DDAH1: variants seen among roughly 807,000 people sequenced by gnomAD.
DDAH1 encodes the protein N(G),N(G)-dimethylarginine dimethylaminohydrolase 1.
In DDAH1, 19 loss-of-function variants were observed where a neutral mutation model predicts 28.8. The ratio of observed to expected loss-of-function variants is 0.66; its 90% confidence interval spans 0.46 to 0.97. The LOEUF is 0.97. Among genes scored for constraint, DDAH1 ranks in the 50% least tolerant of loss-of-function variants. The pLI is 0.00. For synonymous variants in DDAH1, 153 were observed against 154.4 expected, an observed-to-expected ratio of 0.99 and a Z score of 0.07; for missense variants, 326 against 375.9, an observed-to-expected ratio of 0.87 and a Z score of 1.10.
At chr1:85,571,964 T>C (rs1258860145) in intron 1 of DDAH1, among the ~76,000 whole-genome samples, 1 of 152,164 alleles carries the variant, frequency 6.6e-6, no homozygotes, top group Non-Finnish European at 1.5e-5. Context: ...GTAAGGCACA[T>C]GCAGGGTGCG....
intron 1 of DDAH1, among the ~76,000 whole-genome samples, chr1:85,549,086 T>A (rs1372851494): frequency 1.3e-5 from 2 of 152,200 alleles, no homozygotes; most frequent in Non-Finnish European, 2.9e-5. Context: ...TGGCAAGCTA[T>A]GAAAAGTGAA....
At chr1:85,345,299 C>T (rs1648775337) in intron 4 of DDAH1, among the ~76,000 whole-genome samples, 1 of 150,112 alleles carries the variant, frequency 6.7e-6, no homozygotes, top group Non-Finnish European at 1.5e-5. Flanking sequence ...ACAAACAGGT[C>T]TAATGCCTGT....
rs138800225 is a variant in DDAH1 at position 85,439,384 on chromosome 1, T to C, written c.303+25359A>G. Among the ~76,000 whole-genome samples, 381 of 152,332 alleles carry C rather than the reference T, an allele frequency of 2.5e-3. 1 individual carries two copies. The highest frequency in any genetic ancestry group is 2.6e-3 in the Non-Finnish European group (179 of 68,030). Reference sequence around the variant, plus strand: ...AAACTGAGTAACATGCGAGTAAATGTCATAGGACTGCAGCTTCCCAAGTGT... The same window carrying C: ...AAACTGAGTAACATGCGAGTAAATGCCATAGGACTGCAGCTTCCCAAGTGT... On this transcript the variant is annotated intron_variant, in intron 1 of 5. Transcript: ENST00000284031.
At chr1:85,344,572 CAT>C (rs1313518384) in intron 4 of DDAH1, among the ~76,000 whole-genome samples, 3 of 107,818 alleles carry the variant, frequency 2.8e-5, no homozygotes, top group Non-Finnish European at 6.7e-5. Flanking sequence ...TCCCTCCCTT[CAT>C]CCTTCCCTCC....
intron 1 of DDAH1, among the ~76,000 whole-genome samples, chr1:85,422,591 T>G (rs186850779): frequency 1.9e-3 from 282 of 152,352 alleles, no homozygotes; most frequent in Middle Eastern, 3.4e-3. Flanking sequence ...ATAAGGTCTG[T>G]GCCTAGATTC....
intron 1 of DDAH1, among the ~76,000 whole-genome samples, chr1:85,564,279 G>T (rs184029143): frequency 3.0e-4 from 46 of 152,198 alleles, no homozygotes; most frequent in Admixed American, 2.9e-3. Flanking sequence ...AAAGATTAAT[G>T]AACTTGAGAT....
At chr1:85,514,005 A>G (rs1657351301) in intron 1 of DDAH1, among the ~76,000 whole-genome samples, 1 of 152,236 alleles carries the variant, frequency 6.6e-6, no homozygotes, top group South Asian at 2.1e-4. Context: ...ATTGCTGGGT[A>G]TATACCCAAA....
At chr1:85,348,418 G>A (rs1348923356) in intron 4 of DDAH1, among the ~76,000 whole-genome samples, 2 of 152,118 alleles carry the variant, frequency 1.3e-5, no homozygotes, top group African/African-American at 2.4e-5. Context: ...GCTCCCTCAC[G>A]GTGATAATCT....
At chr1:85,383,057 A>G (rs1478844801) in intron 1 of DDAH1, among the ~76,000 whole-genome samples, 1 of 152,240 alleles carries the variant, frequency 6.6e-6, no homozygotes, top group Non-Finnish European at 1.5e-5. Context: ...CCCATAAATC[A>G]AGGAGTAATT....
rs556313647 is a variant in DDAH1, at chr1:85,400,761, G to A, written c.304-41914C>T. Among the ~76,000 whole-genome samples the A allele has an allele frequency of 2.0e-5, 3 of 152,200 alleles. No individual in the cohort carries two copies. The South Asian group carries it at 6.2e-4, about 32-fold the overall frequency. On this transcript the variant is annotated intron_variant, in intron 1 of 5. Coordinates refer to ENST00000284031, the MANE Select transcript of DDAH1 (RefSeq NM_012137.4). The stretch of plus-strand genomic sequence containing the variant: ...ATACCCACCAGGTTCACTTCTTTAT[G>A]CTGGTGGTTAGAAAGCTTTCAGTGG...
At chr1:85,532,086 ATCCAGGCACC>A (rs1305607166) in intron 1 of DDAH1, among the ~76,000 whole-genome samples, 2 of 150,822 alleles carry the variant, frequency 1.3e-5, no homozygotes, top group African/African-American at 4.9e-5. Context: ...CCTCCCGTTG[ATCCAGGCACC>A]TCCAGCTCCC....
intron 1 of DDAH1, among the ~76,000 whole-genome samples, chr1:85,460,105 G>A (rs551446982): frequency 2.6e-5 from 4 of 152,170 alleles, no homozygotes; most frequent in South Asian, 4.2e-4. Context: ...TTTTGAATAG[G>A]GTTAATAATA....
intron 1 of DDAH1, among the ~76,000 whole-genome samples, chr1:85,403,149 T>C (rs1182612885): frequency 2.0e-5 from 3 of 151,596 alleles, no homozygotes; most frequent in Non-Finnish European, 2.9e-5. Flanking sequence ...TTCCCTTGGA[T>C]ATGTAAACTC....
At chr1:85,358,664 A>C (rs1034919234) in intron 2 of DDAH1, 84 bp downstream of exon 2, 2 of 1,122,540 alleles carry the variant, frequency 1.8e-6, no homozygotes, top group African/African-American at 1.6e-5. Flanking sequence ...AAAACAAAAA[A>C]ACACAAAAAA....
At chr1:85,515,148 G>A (rs1226842738) in intron 1 of DDAH1, among the ~76,000 whole-genome samples, 3 of 150,068 alleles carry the variant, frequency 2.0e-5, no homozygotes, top group African/African-American at 4.9e-5. Context: ...CCAGCACTTT[G>A]GGGGGCCAAG....
intron 4 of DDAH1, among the ~76,000 whole-genome samples, chr1:85,346,371 C>T (rs969992552): frequency 2.0e-5 from 3 of 152,186 alleles, no homozygotes; most frequent in African/African-American, 4.8e-5. Flanking sequence ...TGAGACTGCT[C>T]AGATCCTGGA....
At chr1:85,363,347 C>T (rs1649889954) in intron 1 of DDAH1, among the ~76,000 whole-genome samples, 1 of 152,224 alleles carries the variant, frequency 6.6e-6, no homozygotes, top group South Asian at 2.1e-4. Context: ...ATGTCTCAGT[C>T]AACCACAGTT....
intron 4 of DDAH1, among the ~76,000 whole-genome samples, chr1:85,343,701 G>C (rs1648655919): frequency 6.6e-6 from 1 of 152,186 alleles, no homozygotes; most frequent in Admixed American, 6.5e-5. Flanking sequence ...ATATGAGCTA[G>C]TTAGTTCTCA....
intron 1 of DDAH1, among the ~76,000 whole-genome samples, chr1:85,401,297 T>C (rs952657354): frequency 3.3e-5 from 5 of 152,206 alleles, no homozygotes; most frequent in Non-Finnish European, 7.3e-5. Context: ...TCTTTCATTA[T>C]TGGTATCTTC....
Sources: allele counts gnomAD v4.1 joint callset (sites outside exome capture counted in the v4.1 genomes callset), GRCh38; gene constraint gnomAD v4.1.1; transcripts MANE v1.5; gene names NCBI Gene and HGNC (gene_info 2026-07-23, HGNC 2026-07-21).